Variants in SLC9A4 observed in about 807,000 individuals in gnomAD.
SLC9A4 encodes the protein sodium/hydrogen exchanger 4.
Under a neutral mutation model 67.4 loss-of-function variants are expected in SLC9A4, and 63 were observed. The ratio of observed to expected loss-of-function variants is 0.93; its 90% CI spans 0.76 to 1.15. The LOEUF (loss-of-function observed/expected upper bound fraction) is 1.15. SLC9A4 is among the 50% of genes most tolerant of loss of function. The pLI, the probability that SLC9A4 is intolerant of heterozygous loss-of-function variation, is 0.00. For missense variants in SLC9A4, 1,089 were observed against 987.7 expected, an observed-to-expected ratio of 1.10 and a Z score of -1.38; for synonymous variants, 393 against 367.2, an observed-to-expected ratio of 1.07 and a Z score of -0.80.
chr2:102,533,650 C>G lies in SLC9A4; in HGVS notation c.*962C>G, dbSNP rs1674826296. 1 of 120,170 alleles carries G rather than the reference C, an allele frequency of 8.3e-6. No homozygotes were observed. The highest frequency in any genetic ancestry group is 1.7e-5 in the Non-Finnish European group (1 of 59,124). The allele number at this position is 120,170 out of a possible 1,614,324, so 7.4% of individuals were successfully genotyped here. A position where few individuals can be genotyped will look rare whatever the true frequency, so the allele number is the denominator to read the frequency against. On this transcript the variant is annotated 3_prime_UTR_variant, in exon 12 of 12. Transcript: ENST00000295269. ...CAATGCTATCCCTCCCCCCTCCCCCCACCCCACAACAGTCCCCAGAGTGTG... is the reference window on the plus strand; with the variant it reads ...CAATGCTATCCCTCCCCCCTCCCCCGACCCCACAACAGTCCCCAGAGTGTG...
rs747050488 is a variant in SLC9A4, at chr2:102,514,083, T to C, written c.1560-7T>C. 18 of 1,609,130 alleles carry C rather than the reference T, an allele frequency of 1.1e-5. No individual in the cohort carries two copies. Among genetic ancestry groups the C allele is most frequent in the Non-Finnish European group, 1.4e-5 (17 of 1,178,444 alleles). ...AAGATTTCCAAAATGTTGGTTTTCA[T>C]TTTTAGGTTTAAGAAGTTTGATCAT... On this transcript the variant is annotated splice_region_variant and splice_polypyrimidine_tract_variant and intron_variant, in intron 7 of 11. Coordinates refer to ENST00000295269, the MANE Select transcript of SLC9A4 (RefSeq NM_001011552.4).
In SLC9A4 at chr2:102,477,347, A is replaced by T. The variant is rs949461704; in HGVS notation, c.257-1492A>T. Among the ~76,000 whole-genome samples the T allele has an allele frequency of 3.9e-5, 6 of 152,190 alleles. No homozygotes were observed. The East Asian group carries it at 1.2e-3, about 29-fold the overall frequency. On this transcript the variant is annotated intron_variant, in intron 1 of 11. Transcript: ENST00000295269. Reference sequence around the variant, plus strand: ...TCCCATTCTGTCACCCAAATATGCAAATCCTCATCATTCTCCAACAATCTG... The same window carrying T: ...TCCCATTCTGTCACCCAAATATGCATATCCTCATCATTCTCCAACAATCTG...
chr2:102,504,105 T>C (rs530471338), intron 3 of SLC9A4, among the ~76,000 whole-genome samples: 2 of 152,258 alleles, frequency 1.3e-5, no homozygotes, highest in East Asian at 3.9e-4. Context: ...CAGGCTGGAG[T>C]GCAGTGGCAC....
chr2:102,496,042 C>A (rs1480343986), intron 2 of SLC9A4, among the ~76,000 whole-genome samples: 6 of 151,420 alleles, frequency 4.0e-5, no homozygotes, highest in Non-Finnish European at 7.4e-5. Context: ...TGGATTTTAT[C>A]AAAAGAAAAA....
At chr2:102,532,306 C>G (rs890803987) in intron 11 of SLC9A4, 24 bp from the exon 12 acceptor site, 1 of 1,597,780 alleles carries the variant, frequency 6.3e-7, no homozygotes. Context: ...GTTCTTTCCC[C>G]TTCTTGCCAT....
intron 2 of SLC9A4, among the ~76,000 whole-genome samples, chr2:102,490,979 G>A (rs535613770): frequency 1.3e-5 from 2 of 152,142 alleles, no homozygotes; most frequent in African/African-American, 4.8e-5. Flanking sequence ...GATTTCTGGA[G>A]GGTCTCACCT....
intron 9 of SLC9A4, among the ~76,000 whole-genome samples, chr2:102,524,070 A>G (rs1674606479): frequency 1.3e-5 from 2 of 152,212 alleles, no homozygotes; most frequent in Admixed American, 1.3e-4. Context: ...AGCCTTTTGA[A>G]GACTGTAATT....
Position 102,514,245 on chromosome 2 carries a change from C to T in SLC9A4, c.1715C>T (p.Pro572Leu). The T allele has an allele frequency of 1.2e-6, 2 of 1,606,148 alleles. No homozygotes were observed. Among genetic ancestry groups the T allele is most frequent in the Non-Finnish European group, 1.7e-6 (2 of 1,174,726 alleles). Reference protein sequence around the residue: ...GILSSTAFSIPHQAQRIQGIK... With the variant: ...GILSSTAFSILHQAQRIQGIK... ...CTGAGCTCTACAGCTTTCTCCATAC[C>T]CCATCAGTGAGTCATATCTGTTCTT... The change falls in exon 8 of 12, where the codon CCC becomes CTC. Residue 572 changes from proline (P) to leucine (L), a missense_variant. Pro to Leu is a moderately conservative substitution (Grantham distance 98). Coordinates refer to ENST00000295269, the MANE Select transcript of SLC9A4 (RefSeq NM_001011552.4).
At chr2:102,521,839 T>C (rs1397937930) in intron 9 of SLC9A4, among the ~76,000 whole-genome samples, 1 of 152,188 alleles carries the variant, frequency 6.6e-6, no homozygotes, top group Admixed American at 6.5e-5. Context: ...AGAGGCCATC[T>C]TGGGCGTCGG....
chr2:102,526,701 G>T (rs1323558484), intron 11 of SLC9A4, among the ~76,000 whole-genome samples: 2 of 152,098 alleles, frequency 1.3e-5, no homozygotes, highest in African/African-American at 4.8e-5. Flanking sequence ...TGAAAGGAGT[G>T]TTTCATTGAA....
intron 2 of SLC9A4, among the ~76,000 whole-genome samples, chr2:102,494,446 T>C (rs954025948): frequency 5.9e-5 from 9 of 151,736 alleles, no homozygotes; most frequent in Non-Finnish European, 1.2e-4. Flanking sequence ...GAAGGGAAAA[T>C]AAAAAAATAT....
At chr2:102,527,561 A>C (rs12712156) in intron 11 of SLC9A4, among the ~76,000 whole-genome samples, 97,547 of 152,004 alleles carry the variant, frequency 0.64, 31,453 homozygotes, top group Middle Eastern at 0.72. Flanking sequence ...TTGGTATTTT[A>C]ACAAATAAGC....
chr2:102,473,574 A>C lies in SLC9A4; in HGVS notation c.-186A>C. The C allele has an allele frequency of 1.5e-6, 1 of 671,226 alleles. No homozygotes were observed. The highest frequency in any genetic ancestry group is 2.8e-5 in the East Asian group (1 of 36,074). 41.6% of individuals were successfully genotyped at this position (671,226 alleles called of 1,614,324 possible). A position where few individuals can be genotyped will look rare whatever the true frequency, so the allele number is the denominator to read the frequency against. On this transcript the variant is annotated 5_prime_UTR_variant, in exon 1 of 12. Coordinates refer to ENST00000295269, the MANE Select transcript of SLC9A4 (RefSeq NM_001011552.4). ...GAGTTGCCTGAACACAAACGATTTA[A>C]ACCAGATTAGAAAGTGTCTACATAC...
At chr2:102,496,105 C>A (rs1684803922) in intron 2 of SLC9A4, among the ~76,000 whole-genome samples, 1 of 151,974 alleles carries the variant, frequency 6.6e-6, no homozygotes, top group South Asian at 2.1e-4. Context: ...TGAAAGAAAA[C>A]CTTCACTATA....
At chr2:102,513,172 A>C (rs1025551473) in intron 7 of SLC9A4, among the ~76,000 whole-genome samples, 8 of 152,142 alleles carry the variant, frequency 5.3e-5, no homozygotes, top group Admixed American at 1.3e-4. Context: ...TGAGGGCAGA[A>C]AACTAGAAGA....
chr2:102,486,930 T>C lies in SLC9A4; in HGVS notation c.720+7628T>C, dbSNP rs183102794. Among the ~76,000 whole-genome samples, 616 of 152,300 alleles carry C rather than the reference T, an allele frequency of 4.0e-3. 1 individual carries two copies. The highest frequency in any genetic ancestry group is 7.2e-3 in the Non-Finnish European group (490 of 68,016). ...CCTAACCTTCAGGCAGAAAGGGCCA[T>C]GCAGCCTTGATTGGTTGGCTTTGGG... On this transcript the variant is annotated intron_variant, in intron 2 of 11. Transcript: ENST00000295269.
rs35383012 is a variant in SLC9A4 at position 102,532,833 on chromosome 2, A to AT, written c.*151dup. The AT allele has an allele frequency of 5.2e-4, 461 of 894,546 alleles. 2 individuals carry two copies. In the African/African-American group the frequency reaches 6.4e-3, roughly 12 times the overall value. 55.4% of individuals were successfully genotyped at this position (894,546 alleles called of 1,614,324 possible). ...ACATGGATCTATAAGCAGCAGGAAG[A>AT]TTTTTTCCAAGGACTGGGAGCAAAC... On this transcript the variant is annotated 3_prime_UTR_variant, in exon 12 of 12. Transcript: ENST00000295269.
chr2:102,507,595 G>T (rs1306826620), intron 4 of SLC9A4, among the ~76,000 whole-genome samples: 2 of 152,106 alleles, frequency 1.3e-5, no homozygotes, highest in Admixed American at 1.3e-4. Context: ...AACAGTAAGG[G>T]ATTTGATTGT....
intron 2 of SLC9A4, among the ~76,000 whole-genome samples, chr2:102,501,203 C>T (rs1291555277): frequency 1.3e-5 from 2 of 151,968 alleles, no homozygotes; most frequent in Non-Finnish European, 2.9e-5. Context: ...CTTACTGCAA[C>T]CTCCACTTCC....
Sources: gnomAD v4.1 joint callset for allele counts (sites outside exome capture counted in the v4.1 genomes callset) on GRCh38, gnomAD v4.1.1 for gene constraint, MANE v1.5 for transcripts, NCBI Gene and HGNC (gene_info 2026-07-23, HGNC 2026-07-21) for gene names.